The following AAMP variants were observed in gnomAD, a reference collection of about 807,000 sequenced individuals.
AAMP encodes the protein angio associated migratory cell protein.
In AAMP, 12 loss-of-function variants were observed where a neutral mutation model predicts 51.1. The observed-to-expected ratio is 0.23, with a 90% CI of 0.15 to 0.38. The LOEUF (loss-of-function observed/expected upper bound fraction) is 0.38, where lower values mean the gene tolerates loss of function less well. Ranked by LOEUF, AAMP falls within the 10% of genes least tolerant of loss-of-function variation. The pLI is 1.00. For missense variants in AAMP, 418 were observed against 557.2 expected (o/e 0.75, Z 2.52); for synonymous variants, 210 against 218.7 (o/e 0.96, Z 0.35).
At chr2:218,268,791 C>T (rs1157002617) in intron 2 of AAMP, among the ~76,000 whole-genome samples, 7 of 151,542 alleles carry the variant, frequency 4.6e-5, no homozygotes, top group Admixed American at 2.6e-4. Context: ...CTCCGCCTCC[C>T]GGGTTCAAGC....
chr2:218,267,750 C>A lies in AAMP; in HGVS notation c.275-137G>T, dbSNP rs950847144. 1.8e-6 allele frequency: 2 copies of A among 1,109,562 alleles called. No homozygotes were observed. Among genetic ancestry groups the A allele is most frequent in the African/African-American group, 3.1e-5 (2 of 63,866 alleles). The allele number at this position is 1,109,562 out of a possible 1,614,324, so 68.7% of individuals were successfully genotyped here. On this transcript the variant is annotated intron_variant, in intron 2 of 10. Coordinates refer to ENST00000248450, the MANE Select transcript of AAMP (RefSeq NM_001087.5). The surrounding 1 kb of genome is among the most constrained non-coding windows in gnomAD (Gnocchi z 4.6). ...TGGAAAACACAGGTACATCCAAGTT[C>A]TTCTAAGTTTCAAGAATTGGGTTGT...
At chr2:218,268,633 C>A (rs1042622597) in intron 2 of AAMP, among the ~76,000 whole-genome samples, 21 of 151,850 alleles carry the variant, frequency 1.4e-4, no homozygotes, top group African/African-American at 4.8e-4. Context: ...TGAGCCACCG[C>A]ACCTGGCCAA....
rs1574612939 is a variant in AAMP at position 218,269,497 on chromosome 2, C to T, written c.159G>A (p.Glu53=). ...CGTTGCCCTCTTCCTCCTCTTCTTC[C>T]TCAAAGTCCACATCTTCCATCTCCT... is the stretch of plus-strand genomic sequence containing the variant. ...LAQEMEDVDF[E]EEEEEEGNEE... Residue 53 remains glutamate, a synonymous_variant, in exon 2 of 11, where the codon GAG becomes GAA. Transcript: ENST00000248450. 7 of 1,614,114 alleles carry T rather than the reference C, an allele frequency of 4.3e-6. No individual in the cohort carries two copies. The highest frequency in any genetic ancestry group is 5.9e-6 in the Non-Finnish European group (7 of 1,180,054).
Position 218,267,128 on chromosome 2 carries a change from T to G in AAMP, c.395-142A>C, listed in dbSNP as rs538331343. On this transcript the variant is annotated intron_variant, in intron 3 of 10. Coordinates refer to ENST00000248450, the MANE Select transcript of AAMP (RefSeq NM_001087.5). The surrounding 1 kb of genome is among the most constrained non-coding windows in gnomAD (Gnocchi z 4.6). The stretch of plus-strand genomic sequence containing the variant: ...GACTGAGCAGAACAGGTGCTGGAAC[T>G]CACCACCACTCTAGGAACCAATACT... The G allele has an allele frequency of 5.3e-6, 5 of 935,908 alleles. No individual in the cohort carries two copies. In the South Asian group the frequency reaches 6.8e-5, roughly 13 times the overall value. 58.0% of individuals were successfully genotyped at this position (935,908 alleles called of 1,614,324 possible). A position where few individuals can be genotyped will look rare whatever the true frequency, so the allele number is the denominator to read the frequency against.
intron 1 of AAMP, 77 bp from the exon 2 acceptor site, chr2:218,269,611 G>A (rs757651919): frequency 3.7e-6 from 6 of 1,608,568 alleles, no homozygotes; most frequent in Non-Finnish European, 5.1e-6. Flanking sequence ...GGAGGCCTGA[G>A]GCTGGGGCGG....
Position 218,269,952 on chromosome 2 carries a change from G to C in AAMP, c.121+14C>G. The stretch of plus-strand genomic sequence containing the variant: ...CGTCTCCTGTCCCATGGCCTGAGGA[G>C]CGGCAGTTCTCACCTGGGTCCGGCG... On this transcript the variant is annotated intron_variant, in intron 1 of 10. Coordinates refer to ENST00000248450, the MANE Select transcript of AAMP (RefSeq NM_001087.5). The C allele has an allele frequency of 6.2e-7, 1 of 1,614,104 alleles. No homozygotes were observed. Among genetic ancestry groups the C allele is most frequent in the African/African-American group, 1.3e-5 (1 of 75,038 alleles).
chr2:218,265,953 T>A lies in AAMP; in HGVS notation c.764-7A>T. ...CCCTGGTGACCCTCAGTCCCTAGCATAGAGCAGGGAGGCAGCTCAGGCTTC... is the reference window on the plus strand; with the variant it reads ...CCCTGGTGACCCTCAGTCCCTAGCAAAGAGCAGGGAGGCAGCTCAGGCTTC... On this transcript the variant is annotated splice_region_variant and splice_polypyrimidine_tract_variant and intron_variant, in intron 6 of 10. Transcript: ENST00000248450. This position sits in a 1 kb window ranked among gnomAD's most constrained non-coding sequence, Gnocchi z 6.6. 2 of 1,613,252 alleles carry A rather than the reference T, an allele frequency of 1.2e-6. No homozygotes were observed. The highest frequency in any genetic ancestry group is 1.1e-5 in the South Asian group (1 of 91,028).
In AAMP at chr2:218,266,740, T is replaced by G; in HGVS notation, c.534+107A>C. 6.4e-7 allele frequency: 1 copy of G among 1,568,508 alleles called. No individual in the cohort carries two copies. Among genetic ancestry groups the G allele is most frequent in the Non-Finnish European group, 8.7e-7 (1 of 1,152,524 alleles). ...TATTCTTCCTGTGCCTTGGGGCGCATTGGCTCAGAGCTGGCTTGGCGCAAT... is the reference window on the plus strand; with the variant it reads ...TATTCTTCCTGTGCCTTGGGGCGCAGTGGCTCAGAGCTGGCTTGGCGCAAT... On this transcript the variant is annotated intron_variant, in intron 4 of 10. Transcript: ENST00000248450. This position sits in a 1 kb window ranked among gnomAD's most constrained non-coding sequence, Gnocchi z 4.7.
rs1574608105 is a variant in AAMP, at chr2:218,264,190, C to T, written c.*343G>A. On this transcript the variant is annotated 3_prime_UTR_variant, in exon 11 of 11. Transcript: ENST00000248450. ...TTAACTAGTATCTCTTCCTCCTTTCCACCCCCAGAGACTTGGGAAGGGAAA... is the reference window on the plus strand; with the variant it reads ...TTAACTAGTATCTCTTCCTCCTTTCTACCCCCAGAGACTTGGGAAGGGAAA... 2.7e-6 allele frequency: 1 copy of T among 376,454 alleles called. No individual in the cohort carries two copies. The highest frequency in any genetic ancestry group is 4.8e-6 in the Non-Finnish European group (1 of 207,122). The allele number at this position is 376,454 out of a possible 1,614,324, so 23.3% of individuals were successfully genotyped here.
At chr2:218,268,675 T>A (rs1690696838) in intron 2 of AAMP, among the ~76,000 whole-genome samples, 1 of 151,466 alleles carries the variant, frequency 6.6e-6, no homozygotes, top group African/African-American at 2.4e-5. Context: ...CTACTTTTAT[T>A]AACTTTTATC....
In AAMP at chr2:218,269,991, T is replaced by C; in HGVS notation, c.96A>G (p.Glu32=). ...CTGGGTCCGGCGGACCGGGATCAAG[T>C]TCTACCACCTCGATAATCTCTTCAT... ...HGDEEIIEVV[E]LDPGPPDPDD... is the part of the protein sequence containing the mutation. Residue 32 remains glutamate (E), a synonymous_variant, in exon 1 of 11, where the codon GAA becomes GAG. Coordinates refer to ENST00000248450, the MANE Select transcript of AAMP (RefSeq NM_001087.5). 6.2e-7 allele frequency: 1 copy of C among 1,614,008 alleles called. No homozygotes were observed. The highest frequency in any genetic ancestry group is 2.2e-5 in the East Asian group (1 of 44,852).
rs544307057 is a variant in AAMP, at chr2:218,265,847, C to T, written c.863G>A (p.Ser288Asn). ...TCCACTCACCTTGCCGGTGGTGGCACTGACCAGCTTGGCCTGGCAGTCCAC... is the reference window on the plus strand; with the variant it reads ...TCCACTCACCTTGCCGGTGGTGGCATTGACCAGCTTGGCCTGGCAGTCCAC... ...GSVDCQAKLV[S>N]ATTGKVVGVF... Residue 288 changes from serine (S) to asparagine (N), a missense_variant, in exon 7 of 11, where the codon AGT becomes AAT. Physicochemically the swap from Ser to Asn is conservative, Grantham distance 46. Transcript: ENST00000248450. The surrounding 1 kb of genome is among the most constrained non-coding windows in gnomAD (Gnocchi z 6.6). 1.2e-6 allele frequency: 2 copies of T among 1,613,252 alleles called. No homozygotes were observed. Among genetic ancestry groups the T allele is most frequent in the South Asian group, 1.1e-5 (1 of 91,052 alleles).
Position 218,266,953 on chromosome 2 carries a change from C to T in AAMP, c.428G>A (p.Ser143Asn). The change falls in exon 4 of 11, where the codon AGC (serine) becomes AAC (asparagine). Residue 143 changes from serine (S) to asparagine (N), a missense_variant. Transcript: ENST00000248450. The surrounding 1 kb of genome is among the most constrained non-coding windows in gnomAD (Gnocchi z 4.7). The part of the protein sequence containing the change: ...HKDSVTCAGF[S>N]HDSTLVATGD... The stretch of plus-strand genomic sequence containing the variant: ...TGTGGCCACTAGAGTGGAGTCATGG[C>T]TGAAACCAGCACAAGTCACAGAGTC... 3 of 1,614,184 alleles carry T rather than the reference C, an allele frequency of 1.9e-6. No homozygotes were observed. The highest frequency in any genetic ancestry group is 2.2e-5 in the East Asian group (1 of 44,890).
chr2:218,268,686 A>AAAGATAAC (rs1690697401), intron 2 of AAMP, among the ~76,000 whole-genome samples: 1 of 147,832 alleles, frequency 6.8e-6, no homozygotes, highest in South Asian at 2.1e-4. Context: ...AACTTTTATC[A>AAAGATAAC]AAGATAACTT....
chr2:218,269,440 C>G lies in AAMP; in HGVS notation c.216G>C (p.Gly72=). ...EEGWVLEPQE[G]VVGSMEGPDD... is the part of the protein sequence containing the mutation. The stretch of plus-strand genomic sequence containing the variant: ...CGGGGCCCTCCATGCTGCCGACCAC[C>G]CCTTCCTGGGGTTCTAGAACCCAGC... The change falls in exon 2 of 11, where the codon GGG becomes GGC. Residue 72 remains glycine, a synonymous_variant. Transcript: ENST00000248450. 6.2e-7 allele frequency: 1 copy of G among 1,614,224 alleles called. No individual in the cohort carries two copies. Among genetic ancestry groups the G allele is most frequent in the Non-Finnish European group, 8.5e-7 (1 of 1,180,046 alleles).
At position 218,265,188 on chromosome 2, in the gene AAMP, T is replaced by C. The variant is rs1690593234; in HGVS notation, c.1075-14A>G. 2 of 1,574,816 alleles carry C rather than the reference T, an allele frequency of 1.3e-6. No individual in the cohort carries two copies. The highest frequency in any genetic ancestry group is 1.4e-5 in the African/African-American group (1 of 74,044). On this transcript the variant is annotated splice_polypyrimidine_tract_variant and intron_variant, in intron 9 of 10. Coordinates refer to ENST00000248450, the MANE Select transcript of AAMP (RefSeq NM_001087.5). This position sits in a 1 kb window ranked among gnomAD's most constrained non-coding sequence, Gnocchi z 6.6. Reference sequence around the variant, plus strand: ...CACGATGCCCGACTGCCCCGAGGAATGACAGAGGCAGGGCGGAGGTTGGCA... The same window carrying C: ...CACGATGCCCGACTGCCCCGAGGAACGACAGAGGCAGGGCGGAGGTTGGCA...
chr2:218,266,710 G>A lies in AAMP; in HGVS notation c.535-123C>T. 6.4e-7 allele frequency: 1 copy of A among 1,550,444 alleles called. No homozygotes were observed. Among genetic ancestry groups the A allele is most frequent in the Non-Finnish European group, 8.8e-7 (1 of 1,142,250 alleles). On this transcript the variant is annotated intron_variant, in intron 4 of 10. Transcript: ENST00000248450. The surrounding 1 kb of genome is among the most constrained non-coding windows in gnomAD (Gnocchi z 4.7). ...TCCGCGGGGACTTTCCAGGTAGCAG[G>A]TAGATATTCTTCCTGTGCCTTGGGG... is the stretch of plus-strand genomic sequence containing the variant.
In AAMP at chr2:218,267,820, A is replaced by T. The variant is rs1460021258; in HGVS notation, c.275-207T>A. On this transcript the variant is annotated intron_variant, in intron 2 of 10. Transcript: ENST00000248450. The surrounding 1 kb of genome is among the most constrained non-coding windows in gnomAD (Gnocchi z 4.6). The stretch of plus-strand genomic sequence containing the variant: ...CCAAGCTCCCTATTTGCCAGAGTAG[A>T]TCCCCTCACTGTGTGACTCCCGTCA... Among the ~76,000 whole-genome samples the T allele has an allele frequency of 6.6e-6, 1 of 152,148 alleles. No homozygotes were observed. The highest frequency in any genetic ancestry group is 1.5e-5 in the Non-Finnish European group (1 of 68,020).
At position 218,264,427 on chromosome 2, in the gene AAMP, G is replaced by A. The variant is rs1446387227; in HGVS notation, c.*106C>T. The A allele has an allele frequency of 2.7e-6, 3 of 1,115,896 alleles. 1 individual carries two copies. The highest frequency in any genetic ancestry group is 2.5e-5 in the South Asian group (2 of 78,940). 69.1% of individuals were successfully genotyped at this position (1,115,896 alleles called of 1,614,324 possible). A position where few individuals can be genotyped will look rare whatever the true frequency, so the allele number is the denominator to read the frequency against. On this transcript the variant is annotated 3_prime_UTR_variant, in exon 11 of 11. Coordinates refer to ENST00000248450, the MANE Select transcript of AAMP (RefSeq NM_001087.5). ...TGAAGAGGCTGGAAAGTCATCCAGG[G>A]CCCCACCCTCCTCTTCCCTCTGTGC...
Sources: gnomAD v4.1 joint callset for allele counts (sites outside exome capture counted in the v4.1 genomes callset) on GRCh38, gnomAD v4.1.1 for gene constraint, Gnocchi (gnomAD v3.1) non-coding constraint, MANE v1.5 for transcripts, NCBI Gene and HGNC (gene_info 2026-07-23, HGNC 2026-07-21) for gene names.